Variants in STARD9 observed in about 807,000 individuals in gnomAD.
The protein encoded by STARD9 is StAR related lipid transfer domain containing 9, also known as stAR-related lipid transfer protein 9.
In STARD9, 346 loss-of-function variants were observed where a neutral mutation model predicts 399.8. The observed-to-expected ratio is 0.87, with a 90% CI of 0.79 to 0.95. The LOEUF is 0.95. Among genes scored for constraint, STARD9 ranks in the 40% least tolerant of loss-of-function variants. The pLI is 0.00. For synonymous variants in STARD9, 2,203 were observed against 2,143.5 expected (o/e 1.03, Z -0.77); for missense variants, 5,832 against 5,667.5 (o/e 1.03, Z -0.93).
chr15:42,612,677 A>G (rs1347974680), intron 3 of STARD9, among the ~76,000 whole-genome samples: 4 of 152,200 alleles, frequency 2.6e-5, no homozygotes, highest in African/African-American at 9.7e-5. Flanking sequence ...TAGCAAAAAG[A>G]AGCACTGACA....
At position 42,687,564 on chromosome 15, in the gene STARD9, C is replaced by T; in HGVS notation, c.5986C>T (p.Leu1996Phe). The change falls in exon 23 of 33, where the codon CTT becomes TTT. Residue 1996 changes from leucine to phenylalanine, a missense_variant. Physicochemically the swap from Leu to Phe is conservative, Grantham distance 22 (BLOSUM62 0). Coordinates refer to ENST00000290607, the MANE Select transcript of STARD9 (RefSeq NM_020759.3). ...CAAAGATAGCTCAGAAGAGTTTAAG[C>T]TTCCAGGTACAAAGCCTGCATATGA... ...RPKDSSEEFK[L>F]PGTKPAYERF... 1 of 1,537,006 alleles carries T rather than the reference C, an allele frequency of 6.5e-7. No homozygotes were observed. Among genetic ancestry groups the T allele is most frequent in the Non-Finnish European group, 8.7e-7 (1 of 1,146,882 alleles).
chr15:42,626,488 C>T (rs2059225818), intron 3 of STARD9, among the ~76,000 whole-genome samples: 3 of 150,734 alleles, frequency 2.0e-5, no homozygotes, highest in Non-Finnish European at 3.0e-5. Flanking sequence ...TCCTCTTCCT[C>T]TTCCTCTTCT....
In STARD9 at chr15:42,688,882, G is replaced by C; in HGVS notation, c.7304G>C (p.Arg2435Thr). ...PESIPLGTED[R>T]ISASTSPQDH... ...AGCATTCCTCTGGGGACAGAGGACA[G>C]GATCTCAGCAAGCACCAGCCCCCAA... is the stretch of plus-strand genomic sequence containing the variant. The change falls in exon 23 of 33, where the codon AGG becomes ACG. Residue 2435 changes from arginine (R) to threonine (T), a missense_variant. Arg to Thr is a moderately conservative substitution (Grantham distance 71). Transcript: ENST00000290607. The C allele has an allele frequency of 6.5e-7, 1 of 1,537,304 alleles. No individual in the cohort carries two copies. Among genetic ancestry groups the C allele is most frequent in the Non-Finnish European group, 8.7e-7 (1 of 1,146,922 alleles).
intron 9 of STARD9, among the ~76,000 whole-genome samples, chr15:42,658,575 C>A (rs2059926324): frequency 6.6e-6 from 1 of 151,492 alleles, no homozygotes; most frequent in African/African-American, 2.4e-5. Flanking sequence ...CTCCACCTCC[C>A]GGGTTCAAGT....
chr15:42,604,954 G>T (rs1041325830), intron 3 of STARD9, among the ~76,000 whole-genome samples: 1 of 152,038 alleles, frequency 6.6e-6, no homozygotes, highest in African/African-American at 2.4e-5. Context: ...GGATCGAATG[G>T]AATTTAAATC....
chr15:42,577,309 A>G (rs1423965836), intron 1 of STARD9, among the ~76,000 whole-genome samples: 2 of 152,176 alleles, frequency 1.3e-5, no homozygotes, highest in East Asian at 1.9e-4. Flanking sequence ...ACCCGCCACC[A>G]TGCCCGGCTA....
intron 21 of STARD9, among the ~76,000 whole-genome samples, chr15:42,681,841 T>TA (rs1051826425): frequency 9.9e-5 from 15 of 152,138 alleles, no homozygotes; most frequent in African/African-American, 3.6e-4. Context: ...ACCTCCTACT[T>TA]ACTGCTCCTC....
chr15:42,596,422 G>T (rs1473287473), intron 3 of STARD9, among the ~76,000 whole-genome samples: 2 of 152,178 alleles, frequency 1.3e-5, no homozygotes, highest in African/African-American at 4.8e-5. Context: ...TGATGGTGAT[G>T]ATTACTTTGA....
intron 7 of STARD9, among the ~76,000 whole-genome samples, chr15:42,650,449 T>C (rs1270039260): frequency 1.3e-5 from 2 of 152,348 alleles, no homozygotes; most frequent in Admixed American, 6.5e-5. Flanking sequence ...CCCCATTCTA[T>C]AGTGGCTAAA....
intron 3 of STARD9, among the ~76,000 whole-genome samples, chr15:42,628,058 A>T (rs1294334524): frequency 3.3e-5 from 5 of 152,152 alleles, no homozygotes; most frequent in Non-Finnish European, 5.9e-5. Context: ...CCAATAGTGT[A>T]TAAGGGTTCC....
At chr15:42,606,696 A>G (rs546420704) in intron 3 of STARD9, among the ~76,000 whole-genome samples, 1 of 151,508 alleles carries the variant, frequency 6.6e-6, no homozygotes, top group African/African-American at 2.4e-5. Context: ...TCCTGGGCTC[A>G]GGTGGTCCTC....
chr15:42,602,626 A>C (rs755855814), intron 3 of STARD9, among the ~76,000 whole-genome samples: 1 of 152,200 alleles, frequency 6.6e-6, no homozygotes, highest in Non-Finnish European at 1.5e-5. Flanking sequence ...GTAGCTTGCA[A>C]TCTGTCTGAT....
chr15:42,679,321 T>A (rs577625321), intron 20 of STARD9, among the ~76,000 whole-genome samples: 2 of 152,240 alleles, frequency 1.3e-5, no homozygotes, highest in Non-Finnish European at 2.9e-5. Context: ...CTATTCCAGT[T>A]GCTATCCTGA....
intron 3 of STARD9, among the ~76,000 whole-genome samples, chr15:42,630,818 T>TC (rs1467452453): frequency 1.3e-5 from 2 of 152,108 alleles, no homozygotes; most frequent in Non-Finnish European, 2.9e-5. Flanking sequence ...TCTCTTTTTT[T>TC]CTTCATCTGT....
chr15:42,636,197 G>C (rs145483700), intron 4 of STARD9, among the ~76,000 whole-genome samples: 57 of 152,296 alleles, frequency 3.7e-4, no homozygotes, highest in African/African-American at 1.3e-3. Context: ...TTAGGAGGCT[G>C]AGGTGGGAGG....
At position 42,693,421 on chromosome 15, in the gene STARD9, T is replaced by C. The variant is rs2060764665; in HGVS notation, c.11843T>C (p.Met3948Thr). The stretch of plus-strand genomic sequence containing the variant: ...CCTGTTGATGCCCCAAGGACTCCAA[T>C]GGATAATTATTCCCAAACCACTGAC... Reference protein sequence around the residue: ...PDPVDAPRTPMDNYSQTTDEL... With the variant: ...PDPVDAPRTPTDNYSQTTDEL... The change falls in exon 23 of 33, where the codon ATG (methionine) becomes ACG (threonine). Residue 3948 changes from methionine (M) to threonine (T), a missense_variant. Around this residue, in one of 2 missense-constraint regions of STARD9, gnomAD observed 5,828 missense variants for 5,651.1 expected, o/e 1.03. Coordinates refer to ENST00000290607, the MANE Select transcript of STARD9 (RefSeq NM_020759.3). 6.5e-6 allele frequency: 10 copies of C among 1,537,066 alleles called. No homozygotes were observed. The highest frequency in any genetic ancestry group is 8.7e-6 in the Non-Finnish European group (10 of 1,146,900).
At chr15:42,634,824 C>A in intron 3 of STARD9, 32 bp from the exon 4 acceptor site, 1 of 1,109,540 alleles carries the variant, frequency 9.0e-7, no homozygotes, top group Non-Finnish European at 1.3e-6. Flanking sequence ...AGAAGGACCA[C>A]AGTGATATTT....
intron 16 of STARD9, 61 bp from the exon 17 acceptor site, chr15:42,674,379 C>T: frequency 1.5e-6 from 2 of 1,306,218 alleles, no homozygotes; most frequent in Non-Finnish European, 2.1e-6. Context: ...TGTGGACTCT[C>T]CTGTAGGGCA....
At chr15:42,717,363 C>T (rs1566970435) in intron 28 of STARD9, among the ~76,000 whole-genome samples, 1 of 152,036 alleles carries the variant, frequency 6.6e-6, no homozygotes, top group South Asian at 2.1e-4. Flanking sequence ...TAGCTCACAC[C>T]TGTAGTCTCA....
Sources: allele counts gnomAD v4.1 joint callset (sites outside exome capture counted in the v4.1 genomes callset), GRCh38; gene constraint gnomAD v4.1.1; regional missense constraint gnomAD v4.1.1; transcripts MANE v1.5; gene names NCBI Gene and HGNC (gene_info 2026-07-23, HGNC 2026-07-21).